Variants in TOX2 observed in about 807,000 individuals in gnomAD.
The protein encoded by TOX2 is granulosa cell HMG box 1.
TOX2 carries 15 observed loss-of-function variants against 47.4 expected under a neutral mutation model. That is an observed-to-expected ratio of 0.32 (90% CI 0.21 to 0.49). The LOEUF (loss-of-function observed/expected upper bound fraction) is 0.49. TOX2 is among the 20% of genes least tolerant of loss of function. TOX2 has a pLI of 0.99. For missense variants in TOX2, 622 were observed against 673.1 expected (o/e 0.92, Z 0.84); for synonymous variants, 290 against 296.6 (o/e 0.98, Z 0.23).
intron 1 of TOX2, among the ~76,000 whole-genome samples, chr20:43,956,476 G>A (rs1161274084): frequency 6.6e-6 from 1 of 151,034 alleles, no homozygotes; most frequent in Non-Finnish European, 1.5e-5. Flanking sequence ...CAGGAGAATC[G>A]CTTGAACCCA....
intron 5 of TOX2, among the ~76,000 whole-genome samples, chr20:44,061,452 A>G (rs2145786956): frequency 6.6e-6 from 1 of 152,316 alleles, no homozygotes; most frequent in East Asian, 1.9e-4. Context: ...CAAAATCAGC[A>G]TAGAAGGGAT....
At chr20:43,989,918 G>A (rs1330780919) in intron 2 of TOX2, among the ~76,000 whole-genome samples, 1 of 152,184 alleles carries the variant, frequency 6.6e-6, no homozygotes, top group Non-Finnish European at 1.5e-5. Flanking sequence ...ACTCAAGGCT[G>A]TGGTCTCATC....
At chr20:43,996,220 T>C (rs1336834537) in intron 2 of TOX2, among the ~76,000 whole-genome samples, 1 of 152,226 alleles carries the variant, frequency 6.6e-6, no homozygotes. Context: ...TGGTGTGAGA[T>C]GGTATCTCAT....
At chr20:43,937,273 C>G (rs1370931659) in intron 1 of TOX2, among the ~76,000 whole-genome samples, 1 of 152,124 alleles carries the variant, frequency 6.6e-6, no homozygotes, top group Non-Finnish European at 1.5e-5. Context: ...GTGTCGGCAA[C>G]CTTGGGCTGG....
chr20:43,956,224 G>A (rs958671890), intron 1 of TOX2, among the ~76,000 whole-genome samples: 1 of 152,102 alleles, frequency 6.6e-6, no homozygotes, highest in Non-Finnish European at 1.5e-5. Context: ...TCTGATTCCT[G>A]GTCCTGTCCC....
At chr20:44,018,637 C>T (rs2070924053) in intron 3 of TOX2, among the ~76,000 whole-genome samples, 1 of 152,196 alleles carries the variant, frequency 6.6e-6, no homozygotes, top group South Asian at 2.1e-4. Context: ...GTCTCATGAG[C>T]TCTCTTTCTC....
intron 5 of TOX2, among the ~76,000 whole-genome samples, chr20:44,064,286 T>C (rs564805547): frequency 4.6e-5 from 7 of 152,118 alleles, no homozygotes; most frequent in Admixed American, 2.0e-4. Context: ...CCAAAAGCCA[T>C]GGAAACAAGG....
intron 1 of TOX2, among the ~76,000 whole-genome samples, chr20:43,972,475 C>T (rs899162739): frequency 4.6e-5 from 7 of 152,176 alleles, no homozygotes; most frequent in African/African-American, 1.7e-4. Flanking sequence ...CTCAGGCTCT[C>T]CTTCTAGGGA....
At chr20:44,018,959 C>T (rs1379634948) in intron 3 of TOX2, among the ~76,000 whole-genome samples, 1 of 152,144 alleles carries the variant, frequency 6.6e-6, no homozygotes, top group Non-Finnish European at 1.5e-5. Flanking sequence ...TCTCTCAGAG[C>T]CTCAAGTAAG....
intron 2 of TOX2, among the ~76,000 whole-genome samples, chr20:43,980,575 A>G (rs2070153131): frequency 6.6e-6 from 1 of 152,238 alleles, no homozygotes; most frequent in Non-Finnish European, 1.5e-5. Context: ...TGATGTAATT[A>G]TTACTTATTG....
chr20:44,041,023 G>T (rs945786152), intron 3 of TOX2, among the ~76,000 whole-genome samples: 1 of 152,212 alleles, frequency 6.6e-6, no homozygotes, highest in Non-Finnish European at 1.5e-5. Context: ...TCTTGTGAAG[G>T]TTGTTTACTG....
chr20:43,934,798 T>TGTG (rs2069302789), intron 1 of TOX2, among the ~76,000 whole-genome samples: 2 of 147,748 alleles, frequency 1.4e-5, no homozygotes, highest in African/African-American at 5.0e-5. Context: ...GTGTGTGTGT[T>TGTG]TGTGTGTGTG....
intron 3 of TOX2, among the ~76,000 whole-genome samples, chr20:44,016,228 G>A (rs1455098921): frequency 6.6e-6 from 1 of 152,040 alleles, no homozygotes; most frequent in African/African-American, 2.4e-5. Context: ...CCATTAGGGT[G>A]CCTATTTTTC....
At chr20:44,043,320 G>A (rs1000164111) in intron 3 of TOX2, among the ~76,000 whole-genome samples, 3 of 152,124 alleles carry the variant, frequency 2.0e-5, no homozygotes, top group African/African-American at 7.2e-5. Context: ...CTGCTGCTTT[G>A]GATCTGCTTT....
At chr20:43,935,927 C>CAAAA (rs58300627) in intron 1 of TOX2, among the ~76,000 whole-genome samples, 8 of 72,034 alleles carry the variant, frequency 1.1e-4, no homozygotes, top group East Asian at 4.2e-4. Context: ...AACTCCATCC[C>CAAAA]AAAAAAAAAA....
chr20:43,999,179 C>G (rs1021953675), intron 2 of TOX2, among the ~76,000 whole-genome samples: 2 of 152,044 alleles, frequency 1.3e-5, no homozygotes, highest in Non-Finnish European at 2.9e-5. Flanking sequence ...TGAAATCATT[C>G]GTATTATGTT....
intron 1 of TOX2, among the ~76,000 whole-genome samples, chr20:43,958,013 G>A (rs1462882511): frequency 2.0e-5 from 3 of 152,156 alleles, no homozygotes; most frequent in Non-Finnish European, 2.9e-5. Flanking sequence ...AATTCGACAT[G>A]AGACTTGGGT....
intron 2 of TOX2, among the ~76,000 whole-genome samples, chr20:43,985,827 G>C (rs796838778): frequency 1.3e-5 from 2 of 151,990 alleles, no homozygotes; most frequent in African/African-American, 4.8e-5. Flanking sequence ...GCTCATAGTT[G>C]GGAGGGTGCT....
At chr20:43,958,663 G>A (rs1250419939) in intron 1 of TOX2, among the ~76,000 whole-genome samples, 1 of 152,226 alleles carries the variant, frequency 6.6e-6, no homozygotes, top group Non-Finnish European at 1.5e-5. Context: ...CTGAGGTCAG[G>A]GCTTGGGGAA....
Sources: allele counts gnomAD v4.1 joint callset (sites outside exome capture counted in the v4.1 genomes callset), GRCh38; gene constraint gnomAD v4.1.1; transcripts MANE v1.5; gene names NCBI Gene and HGNC (gene_info 2026-07-23, HGNC 2026-07-21).